The following EPHA3 variants were observed in gnomAD, a reference collection of about 807,000 sequenced individuals.
EPHA3 encodes the protein ephrin type-A receptor 3.
A neutral mutation model predicts 107.1 loss-of-function variants in EPHA3; 42 were observed. The ratio of observed to expected loss-of-function variants is 0.39; its 90% CI spans 0.31 to 0.51. EPHA3 has a LOEUF of 0.51. Among genes scored for constraint, EPHA3 ranks in the 20% least tolerant of loss-of-function variants. EPHA3 has a pLI of 0.78. For missense variants in EPHA3, 1,183 were observed against 1,211.2 expected (o/e 0.98, Z 0.35); for synonymous variants, 461 against 424.8 (o/e 1.09, Z -1.05).
At chr3:89,271,588 C>G (rs1339842772) in intron 3 of EPHA3, among the ~76,000 whole-genome samples, 2 of 151,840 alleles carry the variant, frequency 1.3e-5, no homozygotes, top group South Asian at 2.1e-4. Context: ...TAAAACAAAA[C>G]GTATACTGTT....
At chr3:89,366,998 A>G (rs1708197613) in intron 5 of EPHA3, among the ~76,000 whole-genome samples, 1 of 150,568 alleles carries the variant, frequency 6.6e-6, no homozygotes. Flanking sequence ...TTCACTTGAT[A>G]TTACTAACTT....
At chr3:89,225,620 A>G (rs188889451) in intron 3 of EPHA3, among the ~76,000 whole-genome samples, 11 of 152,300 alleles carry the variant, frequency 7.2e-5, no homozygotes, top group Non-Finnish European at 1.2e-4. Flanking sequence ...ACACAGGCTT[A>G]CAAATACATC....
intron 3 of EPHA3, among the ~76,000 whole-genome samples, chr3:89,252,894 A>T (rs1346024973): frequency 6.7e-6 from 1 of 150,108 alleles, no homozygotes; most frequent in Non-Finnish European, 1.5e-5. Flanking sequence ...TTCTTATTTA[A>T]TGGAATAGTA....
At chr3:89,468,345 T>C (rs1489859011) in intron 15 of EPHA3, among the ~76,000 whole-genome samples, 1 of 152,164 alleles carries the variant, frequency 6.6e-6, no homozygotes, top group African/African-American at 2.4e-5. Flanking sequence ...CGTCCTGTTC[T>C]ATTTCAATTT....
intron 3 of EPHA3, among the ~76,000 whole-genome samples, chr3:89,223,972 T>A (rs1704443243): frequency 6.6e-6 from 1 of 152,194 alleles, no homozygotes; most frequent in Non-Finnish European, 1.5e-5. Context: ...TTTCAATGCC[T>A]GGTTCAAAAT....
At chr3:89,156,267 T>A (rs2107058323) in intron 2 of EPHA3, among the ~76,000 whole-genome samples, 1 of 152,202 alleles carries the variant, frequency 6.6e-6, no homozygotes, top group East Asian at 1.9e-4. Context: ...AAGCACTTCC[T>A]TTGTATCTGG....
chr3:89,450,402 C>G (rs1709963115), intron 15 of EPHA3, 32 bp downstream of exon 15: 1 of 1,583,386 alleles, frequency 6.3e-7, no homozygotes, highest in Non-Finnish European at 8.6e-7. Flanking sequence ...CTGGCATTCA[C>G]TCTGAAATTT....
intron 2 of EPHA3, among the ~76,000 whole-genome samples, chr3:89,164,279 C>T (rs1705012955): frequency 1.3e-5 from 2 of 152,112 alleles, no homozygotes; most frequent in Admixed American, 6.5e-5. Flanking sequence ...AAAATAATCA[C>T]CAAAAAACTT....
At chr3:89,156,615 G>C (rs1311492266) in intron 2 of EPHA3, among the ~76,000 whole-genome samples, 1 of 151,884 alleles carries the variant, frequency 6.6e-6, no homozygotes, top group Non-Finnish European at 1.5e-5. Flanking sequence ...CTGGTTTCAA[G>C]CGTTTGCCAT....
chr3:89,269,430 T>G (rs1374306861), intron 3 of EPHA3, among the ~76,000 whole-genome samples: 4 of 151,356 alleles, frequency 2.6e-5, no homozygotes, highest in African/African-American at 9.7e-5. Flanking sequence ...TAGAGAATAG[T>G]TTTTTTTATA....
intron 5 of EPHA3, among the ~76,000 whole-genome samples, chr3:89,353,605 GA>G (rs1707881050): frequency 6.6e-6 from 1 of 151,208 alleles, no homozygotes; most frequent in Admixed American, 6.6e-5. Flanking sequence ...GTGCATCTGG[GA>G]ATGTCACTGT....
rs367816678 is a variant in EPHA3, at chr3:89,341,868, A to G, written c.1084A>G (p.Ile362Val). 2.5e-6 allele frequency: 4 copies of G among 1,613,816 alleles called. No individual in the cohort carries two copies. The highest frequency in any genetic ancestry group is 1.3e-5 in the African/African-American group (1 of 74,806). The change falls in exon 5 of 17, where the codon ATA becomes GTA. Residue 362 changes from isoleucine (I) to valine (V), a missense_variant. Physicochemically the swap from Ile to Val is conservative, Grantham distance 29. Transcript: ENST00000336596. ...GGRKDVTFNI[I>V]CKKCGWNIKQ... ...CCGGAAAGATGTTACCTTCAACATC[A>G]TATGTAAAAAATGTGGGTGGAATAT...
At chr3:89,364,771 C>T (rs1418976397) in intron 5 of EPHA3, among the ~76,000 whole-genome samples, 2 of 150,912 alleles carry the variant, frequency 1.3e-5, no homozygotes, top group African/African-American at 4.8e-5. Context: ...AAGAGTAATG[C>T]TGAGATGGCC....
intron 3 of EPHA3, among the ~76,000 whole-genome samples, chr3:89,303,445 CA>C (rs67736700): frequency 0.01 from 1,159 of 114,466 alleles, 6 homozygotes; most frequent in South Asian, 0.058. Context: ...TATAAAAAGG[CA>C]AAAAAAAAAA....
At chr3:89,290,444 A>G (rs1165160764) in intron 3 of EPHA3, among the ~76,000 whole-genome samples, 1 of 152,182 alleles carries the variant, frequency 6.6e-6, no homozygotes, top group South Asian at 2.1e-4. Context: ...CATCATATGG[A>G]AAGAATGGGT....
intron 5 of EPHA3, among the ~76,000 whole-genome samples, chr3:89,367,849 T>A (rs1270738575): frequency 1.3e-5 from 2 of 150,764 alleles, no homozygotes; most frequent in Admixed American, 1.3e-4. Context: ...CTGGAAATAG[T>A]TGTCCTTTTA....
At chr3:89,242,109 A>C (rs1192823417) in intron 3 of EPHA3, among the ~76,000 whole-genome samples, 2 of 152,202 alleles carry the variant, frequency 1.3e-5, no homozygotes, top group Non-Finnish European at 2.9e-5. Flanking sequence ...CACGGTTGGC[A>C]GAGTTGGGAA....
At chr3:89,156,940 G>A (rs989892524) in intron 2 of EPHA3, among the ~76,000 whole-genome samples, 3 of 151,512 alleles carry the variant, frequency 2.0e-5, no homozygotes, top group African/African-American at 7.3e-5. Flanking sequence ...ACAGAAAACA[G>A]GACACCTCTC....
intron 10 of EPHA3, among the ~76,000 whole-genome samples, chr3:89,417,113 T>G (rs1465788222): frequency 6.6e-6 from 1 of 151,484 alleles, no homozygotes; most frequent in Non-Finnish European, 1.5e-5. Flanking sequence ...ACCTACTGTG[T>G]GTCTGGCACT....
Sources: gnomAD v4.1 joint callset for allele counts (sites outside exome capture counted in the v4.1 genomes callset) on GRCh38, gnomAD v4.1.1 for gene constraint, MANE v1.5 for transcripts, NCBI Gene and HGNC (gene_info 2026-07-23, HGNC 2026-07-21) for gene names.